FMNL2: variants seen among roughly 807,000 people sequenced by gnomAD.
The protein encoded by FMNL2 is formin-like protein 2.
A neutral mutation model predicts 130.2 loss-of-function variants in FMNL2; 51 were observed. That is an observed-to-expected ratio of 0.39 (90% confidence interval 0.31 to 0.49). The LOEUF is 0.49. Ranked by LOEUF, FMNL2 falls within the 20% of genes least tolerant of loss-of-function variation. The pLI is 0.85. For missense variants in FMNL2, 977 were observed against 1,316.2 expected (o/e 0.74, Z 3.99); for synonymous variants, 465 against 467.1 (o/e 1.00, Z 0.06).
intron 1 of FMNL2, among the ~76,000 whole-genome samples, chr2:152,383,317 A>G (rs965329754): frequency 8.9e-6 from 1 of 111,740 alleles, no homozygotes; most frequent in Non-Finnish European, 1.7e-5. Context: ...GCAATAGTGT[A>G]TTAGGCTCTA....
chr2:152,443,713 G>A (rs1472204127), intron 1 of FMNL2, among the ~76,000 whole-genome samples: 3 of 152,024 alleles, frequency 2.0e-5, no homozygotes, highest in Non-Finnish European at 2.9e-5. Context: ...CGTGGTGGCC[G>A]GCATCTGTAA....
At chr2:152,362,884 A>G (rs1222344450) in intron 1 of FMNL2, among the ~76,000 whole-genome samples, 1 of 152,204 alleles carries the variant, frequency 6.6e-6, no homozygotes, top group African/African-American at 2.4e-5. Context: ...GATGCATGCT[A>G]CAACACGGTG....
At chr2:152,645,927 A>G (rs776597633) in intron 25 of FMNL2, among the ~76,000 whole-genome samples, 7 of 152,208 alleles carry the variant, frequency 4.6e-5, no homozygotes, top group Non-Finnish European at 1.0e-4. Context: ...ACAAAGCTGC[A>G]TATGAGGCAA....
At chr2:152,577,161 T>C (rs1288658986) in intron 7 of FMNL2, among the ~76,000 whole-genome samples, 2 of 151,856 alleles carry the variant, frequency 1.3e-5, no homozygotes, top group African/African-American at 4.8e-5. Flanking sequence ...GGAGTGGAGA[T>C]GATGAGAGGT....
At chr2:152,364,259 GTGTTTTT>G (rs1204351429) in intron 1 of FMNL2, among the ~76,000 whole-genome samples, 4,354 of 100,628 alleles carry the variant, frequency 0.043, 153 homozygotes, top group African/African-American at 0.059. Context: ...GGAGGTTTGT[GTGTTTTT>G]TTTTTTTTTT....
intron 1 of FMNL2, among the ~76,000 whole-genome samples, chr2:152,467,482 T>C (rs1689616390): frequency 6.6e-6 from 1 of 152,222 alleles, no homozygotes; most frequent in Non-Finnish European, 1.5e-5. Flanking sequence ...CCCTGTTTCC[T>C]ACAAATCGAA....
intron 15 of FMNL2, among the ~76,000 whole-genome samples, chr2:152,620,741 G>A (rs939743398): frequency 1.2e-4 from 18 of 152,116 alleles, no homozygotes; most frequent in South Asian, 8.3e-4. Context: ...TCTGCCAGCC[G>A]GTCACTGGGG....
At chr2:152,449,531 T>C (rs527805576) in intron 1 of FMNL2, among the ~76,000 whole-genome samples, 1 of 152,276 alleles carries the variant, frequency 6.6e-6, no homozygotes, top group Non-Finnish European at 1.5e-5. Flanking sequence ...TCATGGTAAG[T>C]GCCTCTTTGA....
At chr2:152,618,772 C>A in intron 13 of FMNL2, 74 bp from the exon 14 acceptor site, 1 of 1,319,536 alleles carries the variant, frequency 7.6e-7, no homozygotes, top group Non-Finnish European at 1.0e-6. Context: ...TCTTTATCCT[C>A]AGTTTGCCAA....
chr2:152,543,312 G>A (rs891496397), intron 3 of FMNL2, among the ~76,000 whole-genome samples: 1 of 150,328 alleles, frequency 6.7e-6, no homozygotes, highest in Non-Finnish European at 1.5e-5. Flanking sequence ...GTAGAGAATA[G>A]CTGATTCCAT....
intron 4 of FMNL2, among the ~76,000 whole-genome samples, chr2:152,550,010 G>C (rs1324297960): frequency 6.6e-6 from 1 of 152,120 alleles, no homozygotes; most frequent in Non-Finnish European, 1.5e-5. Context: ...TAGTTTTACA[G>C]AGTATGCTGT....
At chr2:152,360,451 C>T (rs2105813494) in intron 1 of FMNL2, among the ~76,000 whole-genome samples, 1 of 152,266 alleles carries the variant, frequency 6.6e-6, no homozygotes, top group South Asian at 2.1e-4. Flanking sequence ...CCACCTCCGC[C>T]TCCTGAGTAG....
intron 2 of FMNL2, among the ~76,000 whole-genome samples, chr2:152,525,783 C>T (rs1693355882): frequency 6.6e-6 from 1 of 152,172 alleles, no homozygotes; most frequent in Non-Finnish European, 1.5e-5. Context: ...AGGGGAAGCC[C>T]TCTGCTGCCA....
Position 152,549,084 on chromosome 2 carries a change from A to G in FMNL2, c.346A>G (p.Thr116Ala). Reference sequence around the variant, plus strand: ...AAGAGAACTGGAAATTTCTTTGAGAACTAACCACATTGGGTAAGTATACCC... The same window carrying G: ...AAGAGAACTGGAAATTTCTTTGAGAGCTAACCACATTGGGTAAGTATACCC... ...VLRELEISLRTNHIGWVREFL... is the reference protein window; with the variant it reads ...VLRELEISLRANHIGWVREFL... The change falls in exon 4 of 26, where the codon ACT becomes GCT. Residue 116 changes from threonine to alanine, a missense_variant. Thr to Ala is a moderately conservative substitution (Grantham distance 58, BLOSUM62 0). This residue lies in a region of FMNL2 where 3 missense variants were observed against 16.6 expected (regional missense o/e 0.18). Transcript: ENST00000288670. 1 of 1,607,646 alleles carries G rather than the reference A, an allele frequency of 6.2e-7. No individual in the cohort carries two copies. Among genetic ancestry groups the G allele is most frequent in the Middle Eastern group, 1.7e-4 (1 of 6,040 alleles).
At chr2:152,516,524 A>G (rs1321447049) in intron 1 of FMNL2, among the ~76,000 whole-genome samples, 1 of 152,182 alleles carries the variant, frequency 6.6e-6, no homozygotes, top group African/African-American at 2.4e-5. Context: ...AAATCTGGTG[A>G]CTGAATGCTT....
chr2:152,494,856 A>G (rs1691413445), intron 1 of FMNL2, among the ~76,000 whole-genome samples: 2 of 152,206 alleles, frequency 1.3e-5, no homozygotes, highest in Non-Finnish European at 2.9e-5. Context: ...AAATCTTATC[A>G]TCAGGAGGAC....
intron 1 of FMNL2, among the ~76,000 whole-genome samples, chr2:152,406,965 C>T (rs145416170): frequency 6.6e-6 from 1 of 152,120 alleles, no homozygotes; most frequent in East Asian, 1.9e-4. Flanking sequence ...CTGGCTCTGT[C>T]ACTTTGTAAT....
chr2:152,513,569 A>G (rs1487653443), intron 1 of FMNL2, among the ~76,000 whole-genome samples: 1 of 152,212 alleles, frequency 6.6e-6, no homozygotes, highest in African/African-American at 2.4e-5. Flanking sequence ...GAATGAATGT[A>G]TCACAAGCTT....
chr2:152,558,949 G>C (rs1695379768), intron 5 of FMNL2, 126 bp downstream of exon 5: 1 of 750,758 alleles, frequency 1.3e-6, no homozygotes, highest in African/African-American at 1.8e-5. Flanking sequence ...GCTTAGGGAG[G>C]TTTGTTTCTG....
Sources: gnomAD v4.1 joint callset for allele counts (sites outside exome capture counted in the v4.1 genomes callset) on GRCh38, gnomAD v4.1.1 for gene constraint, gnomAD v4.1.1 regional missense constraint, MANE v1.5 for transcripts, NCBI Gene and HGNC (gene_info 2026-07-23, HGNC 2026-07-21) for gene names.